Variants in AOAH observed in about 807,000 individuals in gnomAD.
AOAH encodes the protein acyloxyacyl hydrolase (neutrophil).
In AOAH, 64 loss-of-function variants were observed where a neutral mutation model predicts 92.2. The ratio of observed to expected loss-of-function variants is 0.69; its 90% CI spans 0.57 to 0.86. The LOEUF is 0.86. Among genes scored for constraint, AOAH ranks in the 40% least tolerant of loss-of-function variants. The pLI is 0.00. For missense variants in AOAH, 656 were observed against 694.6 expected, an observed-to-expected ratio of 0.94 and a Z score of 0.62; for synonymous variants, 263 against 254.5, an observed-to-expected ratio of 1.03 and a Z score of -0.32.
chr7:36,608,662 A>G (rs990544165), intron 11 of AOAH, among the ~76,000 whole-genome samples: 47 of 152,146 alleles, frequency 3.1e-4, no homozygotes, highest in African/African-American at 1.1e-3. Context: ...TCAATGTCCG[A>G]GACTATTCTA....
chr7:36,706,659 C>T (rs4128395), intron 1 of AOAH, among the ~76,000 whole-genome samples: 86,438 of 151,980 alleles, frequency 0.57, 24,854 homozygotes, highest in East Asian at 0.83. Context: ...TTGTCTACAT[C>T]AACAATCATT....
chr7:36,589,912 G>A (rs953405057), intron 12 of AOAH, among the ~76,000 whole-genome samples: 2 of 152,012 alleles, frequency 1.3e-5, no homozygotes, highest in African/African-American at 2.4e-5. Flanking sequence ...TGAACATGAA[G>A]TACAATTTTT....
intron 13 of AOAH, among the ~76,000 whole-genome samples, chr7:36,555,274 T>C (rs1183464428): frequency 2.0e-5 from 3 of 152,210 alleles, no homozygotes; most frequent in African/African-American, 4.8e-5. Flanking sequence ...TCTGTTTATA[T>C]GCTGGATTAC....
intron 4 of AOAH, among the ~76,000 whole-genome samples, chr7:36,647,105 A>G (rs1794270624): frequency 6.6e-6 from 1 of 152,246 alleles, no homozygotes; most frequent in Non-Finnish European, 1.5e-5. Context: ...TAAAACAGCC[A>G]GACTGTCTCT....
At chr7:36,673,287 T>C (rs939636507) in intron 3 of AOAH, among the ~76,000 whole-genome samples, 7 of 152,316 alleles carry the variant, frequency 4.6e-5, no homozygotes, top group Middle Eastern at 3.4e-3. Flanking sequence ...TATCTGTAAT[T>C]CCAGCACTTT....
rs1349763204 is a variant in AOAH, at chr7:36,644,171, C to T, written c.391-6261G>A. ...TGTTAAGTAGTAGTTGCTATTCTCC[C>T]TCTTTTACAGATGTGGTAAACTGAG... On this transcript the variant is annotated intron_variant, in intron 4 of 20. Transcript: ENST00000617537. Among the ~76,000 whole-genome samples the T allele has an allele frequency of 2.6e-5, 4 of 152,152 alleles. No individual in the cohort carries two copies. In the East Asian group the frequency reaches 7.7e-4, roughly 29 times the overall value.
At chr7:36,536,125 G>A (rs1785041545) in intron 16 of AOAH, among the ~76,000 whole-genome samples, 1 of 152,072 alleles carries the variant, frequency 6.6e-6, no homozygotes, top group Non-Finnish European at 1.5e-5. Flanking sequence ...CTTGTTCTGG[G>A]CCTCTGAGTG....
At chr7:36,551,643 T>C (rs1786269640) in intron 13 of AOAH, among the ~76,000 whole-genome samples, 2 of 152,242 alleles carry the variant, frequency 1.3e-5, no homozygotes, top group Non-Finnish European at 2.9e-5. Flanking sequence ...TGGTTTATTT[T>C]ACTCAGTATA....
intron 12 of AOAH, among the ~76,000 whole-genome samples, chr7:36,579,822 A>C (rs2116668640): frequency 6.6e-6 from 1 of 152,246 alleles, no homozygotes; most frequent in Admixed American, 6.5e-5. Context: ...TCAAATGTTA[A>C]TCTCCTTTGG....
chr7:36,591,991 G>T (rs956047405), intron 12 of AOAH, among the ~76,000 whole-genome samples: 4 of 152,250 alleles, frequency 2.6e-5, no homozygotes, highest in Admixed American at 2.6e-4. Flanking sequence ...TTAAATATCG[G>T]ATCGGTATTT....
At chr7:36,545,597 C>T (rs1785754804) in intron 15 of AOAH, among the ~76,000 whole-genome samples, 1 of 152,064 alleles carries the variant, frequency 6.6e-6, no homozygotes, top group Non-Finnish European at 1.5e-5. Flanking sequence ...GCACAGACAC[C>T]CTGTGTGGGT....
intron 7 of AOAH, among the ~76,000 whole-genome samples, chr7:36,622,262 A>C (rs1244992399): frequency 1.3e-5 from 2 of 152,192 alleles, no homozygotes; most frequent in South Asian, 2.1e-4. Context: ...CCAACTTCCC[A>C]AAAACCCTCT....
At chr7:36,692,393 G>A (rs1022413791) in intron 1 of AOAH, among the ~76,000 whole-genome samples, 5 of 152,114 alleles carry the variant, frequency 3.3e-5, no homozygotes, top group Non-Finnish European at 5.9e-5. Flanking sequence ...CAGACAACTA[G>A]TGTTTTCATT....
chr7:36,558,789 A>G lies in AOAH; in HGVS notation c.1022-9314T>C, dbSNP rs928806959. 2.0e-5 allele frequency among the ~76,000 whole-genome samples: 3 copies of G among 152,232 alleles called. No homozygotes were observed. The East Asian group carries it at 5.8e-4, about 29-fold the overall frequency. ...TAGGACCCTCTGAGCCATGTGCAGG[A>G]TATAATCTCCTGGTGCGCTGTTTCC... On this transcript the variant is annotated intron_variant, in intron 13 of 20. Coordinates refer to ENST00000617537, the MANE Select transcript of AOAH (RefSeq NM_001637.4).
chr7:36,555,259 T>C (rs1166679982), intron 13 of AOAH, among the ~76,000 whole-genome samples: 5 of 152,096 alleles, frequency 3.3e-5, no homozygotes, highest in Non-Finnish European at 7.3e-5. Flanking sequence ...GTTTTTGTCT[T>C]TGGTTCTGTT....
At chr7:36,591,561 C>A (rs1789745553) in intron 12 of AOAH, among the ~76,000 whole-genome samples, 1 of 152,180 alleles carries the variant, frequency 6.6e-6, no homozygotes, top group African/African-American at 2.4e-5. Context: ...TTCCTCTTCC[C>A]CTTACCCCAT....
chr7:36,527,126 A>G (rs1275548260), intron 19 of AOAH, among the ~76,000 whole-genome samples: 2 of 152,214 alleles, frequency 1.3e-5, no homozygotes, highest in African/African-American at 4.8e-5. Context: ...TGTTTAGTTC[A>G]TAACCAGTTG....
At chr7:36,637,161 G>A (rs958033334) in intron 5 of AOAH, among the ~76,000 whole-genome samples, 1 of 152,162 alleles carries the variant, frequency 6.6e-6, no homozygotes, top group Non-Finnish European at 1.5e-5. Flanking sequence ...TCTGTTGAAC[G>A]AGAGTGTTAT....
At chr7:36,528,715 C>T (rs1784526107) in intron 19 of AOAH, among the ~76,000 whole-genome samples, 1 of 152,214 alleles carries the variant, frequency 6.6e-6, no homozygotes, top group South Asian at 2.1e-4. Context: ...CCCATCTCAA[C>T]CTCCAGAGTA....
Sources: allele counts gnomAD v4.1 joint callset (sites outside exome capture counted in the v4.1 genomes callset), GRCh38; gene constraint gnomAD v4.1.1; transcripts MANE v1.5; gene names NCBI Gene and HGNC (gene_info 2026-07-23, HGNC 2026-07-21).